The following PRMT2 variants were observed in gnomAD, a reference collection of about 807,000 sequenced individuals.
PRMT2 encodes the protein protein arginine N-methyltransferase 2.
Under a neutral mutation model 57.6 loss-of-function variants are expected in PRMT2, and 26 were observed. That is an observed-to-expected ratio of 0.45 (90% CI 0.33 to 0.63). The LOEUF (loss-of-function observed/expected upper bound fraction) is 0.63. Ranked by LOEUF, PRMT2 falls within the 20% of genes least tolerant of loss-of-function variation. The pLI, the probability that PRMT2 is intolerant of heterozygous loss-of-function variation, is 0.02. For missense variants in PRMT2, 472 were observed against 564.4 expected (o/e 0.84, Z 1.66); for synonymous variants, 219 against 220.0 (o/e 1.00, Z 0.04).
chr21:46,646,408 C>G (rs2061365979), intron 5 of PRMT2, among the ~76,000 whole-genome samples: 2 of 152,188 alleles, frequency 1.3e-5, no homozygotes, highest in Non-Finnish European at 2.9e-5. Flanking sequence ...CACCAGATTC[C>G]TCTGTGCTTA....
At chr21:46,659,757 G>A (rs3088287) in intron 8 of PRMT2, 50,083 of 985,116 alleles carry the variant, frequency 0.051, 2,019 homozygotes, top group African/African-American at 0.21. Flanking sequence ...TGTTCCTCCC[G>A]GCACTGGAAG....
intron 5 of PRMT2, 85 bp downstream of exon 5, chr21:46,644,573 C>A: frequency 7.3e-7 from 1 of 1,376,134 alleles, no homozygotes; most frequent in Non-Finnish European, 9.8e-7. Context: ...CAGAGCAGGC[C>A]CATAGTCTTA....
In PRMT2 at chr21:46,636,938, A is replaced by G; in HGVS notation, c.-14A>G. The G allele has an allele frequency of 6.2e-7, 1 of 1,611,370 alleles. No individual in the cohort carries two copies. On this transcript the variant is annotated 5_prime_UTR_variant, in exon 3 of 12. Transcript: ENST00000355680. Reference sequence around the variant, plus strand: ...AAATAAATCAGCAGTTATGAGGCAGAGCCTAAGAGAACTATGGCAACATCA... The same window carrying G: ...AAATAAATCAGCAGTTATGAGGCAGGGCCTAAGAGAACTATGGCAACATCA...
At chr21:46,653,297 C>T in intron 7 of PRMT2, 2 of 985,362 alleles carry the variant, frequency 2.0e-6, no homozygotes, top group Non-Finnish European at 2.4e-6. Context: ...TATAAGTCAG[C>T]TCATGAAAAC....
At chr21:46,661,661 G>C (rs2061624313) in intron 9 of PRMT2, 139 bp from the exon 10 acceptor site, 1 of 893,044 alleles carries the variant, frequency 1.1e-6, no homozygotes, top group Non-Finnish European at 1.5e-6. Context: ...TTTGGGGGTG[G>C]TTTCCCCAGG....
chr21:46,652,879 C>T (rs780334703), intron 7 of PRMT2: 21 of 1,302,544 alleles, frequency 1.6e-5, no homozygotes, highest in East Asian at 1.1e-4. Context: ...CCTGAGGCCA[C>T]GCCACGATTT....
Position 46,663,368 on chromosome 21 carries a change from A to G in PRMT2, c.1098-15A>G. On this transcript the variant is annotated splice_polypyrimidine_tract_variant and intron_variant, in intron 10 of 11. Transcript: ENST00000355680. ...CTAGCTCAGCCTCCAGGTCACACGCACCCCTGTCTTGCAGCACCACACACT... is the reference window on the plus strand; with the variant it reads ...CTAGCTCAGCCTCCAGGTCACACGCGCCCCTGTCTTGCAGCACCACACACT... 4 of 1,602,318 alleles carry G rather than the reference A, an allele frequency of 2.5e-6. No individual in the cohort carries two copies. The African/African-American group carries it at 5.3e-5, about 21-fold the overall frequency.
chr21:46,645,351 A>G (rs753051163), intron 5 of PRMT2, among the ~76,000 whole-genome samples: 2 of 424 alleles, frequency 4.7e-3, no homozygotes, highest in Admixed American at 0.019. Context: ...CTGTAATCAC[A>G]GGACTTTGGG....
intron 9 of PRMT2, chr21:46,661,523 T>G (rs1169886888): frequency 7.4e-6 from 2 of 269,318 alleles, no homozygotes; most frequent in Non-Finnish European, 1.4e-5. Context: ...CCTGGAGCTC[T>G]CCAACTCCTT....
rs1220120274 is a variant in PRMT2, at chr21:46,658,518, T to A, written c.655-227T>A. 7 of 633,982 alleles carry A rather than the reference T, an allele frequency of 1.1e-5. No individual in the cohort carries two copies. In the East Asian group the frequency reaches 2.4e-4, roughly 22 times the overall value. The allele number at this position is 633,982 out of a possible 1,614,324, so 39.3% of individuals were successfully genotyped here. ...GCTCTGCTCCAGTTCATAGTTCTAA[T>A]GGGAAATTATGTGACTTAAACCCAG... On this transcript the variant is annotated intron_variant, in intron 7 of 11. Transcript: ENST00000355680.
intron 7 of PRMT2, chr21:46,658,466 A>T (rs777110277): frequency 5.1e-5 from 19 of 373,994 alleles, no homozygotes; most frequent in Non-Finnish European, 8.1e-5. Context: ...GAGATGGGAC[A>T]AGAGTGAAGA....
Position 46,649,721 on chromosome 21 carries a change from G to A in PRMT2, c.636G>A (p.Trp212Ter). 1 of 1,613,790 alleles carries A rather than the reference G, an allele frequency of 6.2e-7. No individual in the cohort carries two copies. Among genetic ancestry groups the A allele is most frequent in the Non-Finnish European group, 8.5e-7 (1 of 1,179,924 alleles). ...PEKVDVLVSE[W>*]MGTCLLFEFM... is the part of the protein sequence containing the mutation. Reference sequence around the variant, plus strand: ...AGGTGGACGTGCTGGTGTCTGAGTGGATGGGGACCTGCCTGCTGGTGAGGG... The same window carrying A: ...AGGTGGACGTGCTGGTGTCTGAGTGAATGGGGACCTGCCTGCTGGTGAGGG... The change falls in exon 7 of 12, where the codon TGG becomes TGA. Residue 212 changes from tryptophan to a stop codon, truncating the protein, a stop_gained. Coordinates refer to ENST00000355680, the MANE Select transcript of PRMT2 (RefSeq NM_206962.4). LOFTEE classifies it high-confidence loss of function. The surrounding 1 kb of genome is among the most constrained non-coding windows in gnomAD (Gnocchi z 4.8).
At chr21:46,645,109 A>T (rs1410540692) in intron 5 of PRMT2, among the ~76,000 whole-genome samples, 1 of 139,414 alleles carries the variant, frequency 7.2e-6, no homozygotes, top group Admixed American at 7.5e-5. Flanking sequence ...AAATTAAAAA[A>T]AAATATAATT....
At chr21:46,646,320 C>T (rs1246486124) in intron 5 of PRMT2, among the ~76,000 whole-genome samples, 6 of 152,274 alleles carry the variant, frequency 3.9e-5, no homozygotes, top group East Asian at 1.9e-4. Flanking sequence ...GATTTCTATC[C>T]GTTAAGGAAA....
intron 3 of PRMT2, 104 bp from the exon 4 acceptor site, chr21:46,643,431 C>G: frequency 1.5e-6 from 2 of 1,360,386 alleles, no homozygotes; most frequent in Non-Finnish European, 1.9e-6. Context: ...TACTTGGACA[C>G]ATGAATCTGT....
chr21:46,643,171 G>A (rs1319576736), intron 3 of PRMT2: 4 of 158,942 alleles, frequency 2.5e-5, no homozygotes, highest in Middle Eastern at 3.2e-3. Flanking sequence ...TGCCTGGGGC[G>A]CTGGGCCCCT....
Position 46,653,505 on chromosome 21 carries a change from T to C in PRMT2, c.654+3766T>C, listed in dbSNP as rs966974282. On this transcript the variant is annotated intron_variant, in intron 7 of 11. Coordinates refer to ENST00000355680, the MANE Select transcript of PRMT2 (RefSeq NM_206962.4). ...AGCGTAAACACGGGCACTTTCAGTT[T>C]GTGGCACTGAAGGACGATCTACACA... The C allele has an allele frequency of 9.2e-6, 9 of 980,436 alleles. No homozygotes were observed. In the African/African-American group the frequency reaches 1.8e-4, roughly 19 times the overall value. 60.7% of individuals were successfully genotyped at this position (980,436 alleles called of 1,614,324 possible). A position where few individuals can be genotyped will look rare whatever the true frequency, so the allele number is the denominator to read the frequency against.
intron 8 of PRMT2, chr21:46,660,009 A>T: frequency 1.0e-6 from 1 of 984,216 alleles, no homozygotes; most frequent in South Asian, 4.7e-5. Flanking sequence ...CAATGCTAAG[A>T]CAGGCATATG....
Position 46,649,762 on chromosome 21 carries a change from C to G in PRMT2, c.654+23C>G, listed in dbSNP as rs755131488. ...CTGGTGAGGGCGGGCGTGCGGGCAGCTGGGGGCCGGAGCTGGGGGGCTTCT... is the reference window on the plus strand; with the variant it reads ...CTGGTGAGGGCGGGCGTGCGGGCAGGTGGGGGCCGGAGCTGGGGGGCTTCT... On this transcript the variant is annotated intron_variant, in intron 7 of 11. Transcript: ENST00000355680. This position sits in a 1 kb window ranked among gnomAD's most constrained non-coding sequence, Gnocchi z 4.8. 11 of 1,605,806 alleles carry G rather than the reference C, an allele frequency of 6.9e-6. No homozygotes were observed. Among genetic ancestry groups the G allele is most frequent in the Non-Finnish European group, 9.4e-6 (11 of 1,176,150 alleles).
Sources: allele counts gnomAD v4.1 joint callset (sites outside exome capture counted in the v4.1 genomes callset), GRCh38; gene constraint gnomAD v4.1.1; non-coding constraint Gnocchi (gnomAD v3.1); transcripts MANE v1.5; gene names NCBI Gene and HGNC (gene_info 2026-07-23, HGNC 2026-07-21).